Variants in DUSP16 observed in about 807,000 individuals in gnomAD.
DUSP16 encodes dual specificity phosphatase 16, also known as dual specificity protein phosphatase 16.
DUSP16 carries 21 observed loss-of-function variants against 58.3 expected under a neutral mutation model. That is an observed-to-expected ratio of 0.36 (90% CI 0.26 to 0.52). The LOEUF is 0.52. Ranked by LOEUF, DUSP16 falls within the 20% of genes least tolerant of loss-of-function variation. The probability of loss-of-function intolerance (pLI) is 0.94; values close to 1 mark genes in which losing one functional copy is unlikely to be tolerated. For missense variants in DUSP16, 726 were observed against 819.0 expected (o/e 0.89, Z 1.39); for synonymous variants, 320 against 323.8 (o/e 0.99, Z 0.12).
At chr12:12,481,170 GA>G (rs1719043505) in intron 5 of DUSP16, among the ~76,000 whole-genome samples, 2 of 152,162 alleles carry the variant, frequency 1.3e-5, no homozygotes, top group African/African-American at 4.8e-5. Flanking sequence ...TTGATACCAG[GA>G]GTTATTGTCT....
Position 12,475,633 on chromosome 12 carries a change from T to G in DUSP16, c.*1200A>C, listed in dbSNP as rs955717425. The G allele has an allele frequency of 6.6e-6, 1 of 152,190 alleles. No homozygotes were observed. The highest frequency in any genetic ancestry group is 1.5e-5 in the Non-Finnish European group (1 of 68,030). 9.4% of individuals were successfully genotyped at this position (152,190 alleles called of 1,614,324 possible). ...TAAATGTGAAAGTCTGAGGCAATCA[T>G]AGAAACATCAGCCCCATCGCATGCC... On this transcript the variant is annotated 3_prime_UTR_variant, in exon 7 of 7. Transcript: ENST00000298573.
At chr12:12,486,908 G>A in intron 5 of DUSP16, 120 bp downstream of exon 5, 1 of 1,237,444 alleles carries the variant, frequency 8.1e-7, no homozygotes, top group Non-Finnish European at 1.1e-6. Flanking sequence ...GCTGTTTTCA[G>A]ACTTTTGAAA....
In DUSP16 at chr12:12,476,572, A is replaced by G. The variant is rs1943440128; in HGVS notation, c.*261T>C. 6 of 349,898 alleles carry G rather than the reference A, an allele frequency of 1.7e-5. No individual in the cohort carries two copies. In the South Asian group the frequency reaches 4.2e-4, roughly 25 times the overall value. The allele number at this position is 349,898 out of a possible 1,614,324, so 21.7% of individuals were successfully genotyped here. A position where few individuals can be genotyped will look rare whatever the true frequency, so the allele number is the denominator to read the frequency against. On this transcript the variant is annotated 3_prime_UTR_variant, in exon 7 of 7. Coordinates refer to ENST00000298573, the MANE Select transcript of DUSP16 (RefSeq NM_030640.3). Reference sequence around the variant, plus strand: ...TTAAGAACAAGAGGATGTGTAATTCACTGAATAAAATGGTTTTCCTCCGTC... The same window carrying G: ...TTAAGAACAAGAGGATGTGTAATTCGCTGAATAAAATGGTTTTCCTCCGTC...
At chr12:12,546,666 A>G (rs1490507972) in intron 1 of DUSP16, among the ~76,000 whole-genome samples, 2 of 152,218 alleles carry the variant, frequency 1.3e-5, no homozygotes, top group Non-Finnish European at 2.9e-5. Flanking sequence ...TAGTGTAAGC[A>G]CTACCAACAT....
chr12:12,537,457 T>A (rs1344667971), intron 1 of DUSP16, among the ~76,000 whole-genome samples: 1 of 152,206 alleles, frequency 6.6e-6, no homozygotes, highest in Admixed American at 6.5e-5. Context: ...AATGTAACCT[T>A]CAGTATCAAA....
intron 4 of DUSP16, among the ~76,000 whole-genome samples, chr12:12,487,444 A>G (rs1943701503): frequency 6.6e-6 from 1 of 152,216 alleles, no homozygotes; most frequent in South Asian, 2.1e-4. Flanking sequence ...TCAAGTCTCT[A>G]TTATCTTCAT....
intron 1 of DUSP16, among the ~76,000 whole-genome samples, chr12:12,525,326 A>G (rs994466068): frequency 6.6e-6 from 1 of 151,784 alleles, no homozygotes; most frequent in Non-Finnish European, 1.5e-5. Flanking sequence ...CTGGAGTGCA[A>G]TGGCGCATCT....
At chr12:12,516,879 G>T (rs1262714947) in intron 3 of DUSP16, among the ~76,000 whole-genome samples, 2 of 152,144 alleles carry the variant, frequency 1.3e-5, no homozygotes. Context: ...GAACACAAAG[G>T]TAAACAAGAC....
intron 1 of DUSP16, among the ~76,000 whole-genome samples, chr12:12,532,910 T>G (rs1318239222): frequency 6.7e-6 from 1 of 148,512 alleles, no homozygotes; most frequent in East Asian, 2.0e-4. Flanking sequence ...ATCGCTCCAT[T>G]GCACTCCAGC....
intron 2 of DUSP16, among the ~76,000 whole-genome samples, chr12:12,520,577 A>G (rs1387293090): frequency 6.6e-6 from 1 of 152,262 alleles, no homozygotes; most frequent in Non-Finnish European, 1.5e-5. Flanking sequence ...CTTTCCTTTC[A>G]GTAAATTTGC....
rs1018257922 is a variant in DUSP16 at position 12,519,933 on chromosome 12, G to A, written c.296C>T (p.Ser99Phe). ...AAGTACAGTGAGAAAACAGTCTGAA[G>A]AGAGAGAGGCAACATCTTGGGAGCT... ...DQSSQDVASLSSDCFLTVLLG... is the reference protein window; with the variant it reads ...DQSSQDVASLFSDCFLTVLLG... Residue 99 changes from serine (S) to phenylalanine (F), a missense_variant, in exon 3 of 7, where the codon TCT (serine) becomes TTT (phenylalanine). Coordinates refer to ENST00000298573, the MANE Select transcript of DUSP16 (RefSeq NM_030640.3). 6.2e-7 allele frequency: 1 copy of A among 1,614,006 alleles called. No individual in the cohort carries two copies. Among genetic ancestry groups the A allele is most frequent in the Non-Finnish European group, 8.5e-7 (1 of 1,179,872 alleles).
chr12:12,552,811 C>T lies in DUSP16; in HGVS notation c.-366+9306G>A, dbSNP rs113346170. 4.7e-3 allele frequency among the ~76,000 whole-genome samples: 722 copies of T among 152,204 alleles called. 12 individuals carry two copies. Among genetic ancestry groups the T allele is most frequent in the African/African-American group, 0.016 (668 of 41,528 alleles). On this transcript the variant is annotated intron_variant, in intron 1 of 6. Transcript: ENST00000298573. ...TCTTCTTTTTTTTGAGACACAGTCT[C>T]GCTCTGTCGCCCAGGCTGGAGTGCA...
At chr12:12,556,096 C>T (rs2136273157) in intron 1 of DUSP16, among the ~76,000 whole-genome samples, 1 of 152,164 alleles carries the variant, frequency 6.6e-6, no homozygotes, top group Middle Eastern at 3.4e-3. Flanking sequence ...ATCAAGAGAG[C>T]ACTAAAGAAT....
At chr12:12,493,497 A>G (rs979691800) in intron 4 of DUSP16, among the ~76,000 whole-genome samples, 12 of 152,210 alleles carry the variant, frequency 7.9e-5, no homozygotes, top group Admixed American at 4.6e-4. Flanking sequence ...GAACCTTCCA[A>G]TGACTCCCTC....
rs2136232834 is a variant in DUSP16, at chr12:12,521,324, A to G, written c.-226T>C. The G allele has an allele frequency of 7.1e-7, 1 of 1,407,868 alleles. No individual in the cohort carries two copies. The highest frequency in any genetic ancestry group is 2.6e-5 in the East Asian group (1 of 37,934). 87.2% of individuals were successfully genotyped at this position (1,407,868 alleles called of 1,614,324 possible). Reference sequence around the variant, plus strand: ...CTCTTGCAAAGGACTCCGTCCACAAAGCAGCCCCTCACATTTGATTCATAA... The same window carrying G: ...CTCTTGCAAAGGACTCCGTCCACAAGGCAGCCCCTCACATTTGATTCATAA... On this transcript the variant is annotated 5_prime_UTR_variant, in exon 2 of 7. Transcript: ENST00000298573.
intron 5 of DUSP16, among the ~76,000 whole-genome samples, chr12:12,483,910 A>G (rs1416821908): frequency 2.0e-5 from 3 of 152,150 alleles, no homozygotes; most frequent in Non-Finnish European, 1.5e-5. Flanking sequence ...TCTTCAAATG[A>G]CATGCTATCA....
intron 1 of DUSP16, among the ~76,000 whole-genome samples, chr12:12,533,301 A>G (rs144649162): frequency 0.012 from 1,796 of 152,384 alleles, 43 homozygotes; most frequent in African/African-American, 0.041. Flanking sequence ...AATGCAACGC[A>G]AGATGACTTT....
At chr12:12,532,595 C>T (rs1044228091) in intron 1 of DUSP16, among the ~76,000 whole-genome samples, 2 of 152,020 alleles carry the variant, frequency 1.3e-5, no homozygotes, top group Non-Finnish European at 2.9e-5. Flanking sequence ...GAACTATTAC[C>T]AGGTCCTACT....
At chr12:12,550,891 T>TAA (rs796797043) in intron 1 of DUSP16, among the ~76,000 whole-genome samples, 1 of 146,404 alleles carries the variant, frequency 6.8e-6, no homozygotes, top group East Asian at 2.0e-4. Flanking sequence ...AAAGTATAAT[T>TAA]AAAAAAAAAA....
Sources: allele counts gnomAD v4.1 joint callset (sites outside exome capture counted in the v4.1 genomes callset), GRCh38; gene constraint gnomAD v4.1.1; transcripts MANE v1.5; gene names NCBI Gene and HGNC (gene_info 2026-07-23, HGNC 2026-07-21).